Variants in NCAM1 observed in about 807,000 individuals in gnomAD.
The protein encoded by NCAM1 is antigen recognized by monoclonal antibody 5.1H11.
In NCAM1, 14 loss-of-function variants were observed where a neutral mutation model predicts 109.8. The observed-to-expected ratio is 0.13, with a 90% CI of 0.08 to 0.20. NCAM1 has a LOEUF of 0.20. Among genes scored for constraint, NCAM1 ranks in the 10% least tolerant of loss-of-function variants. NCAM1 has a pLI of 1.00. For missense variants in NCAM1, 774 were observed against 1,109.9 expected (o/e 0.70, Z 4.30); for synonymous variants, 418 against 442.9 (o/e 0.94, Z 0.70).
chr11:113,190,622 G>A (rs1943648420), intron 1 of NCAM1, among the ~76,000 whole-genome samples: 1 of 152,186 alleles, frequency 6.6e-6, no homozygotes, highest in Non-Finnish European at 1.5e-5. Context: ...TCCAGGGACA[G>A]CTTCTCATTT....
chr11:113,055,976 G>GTGAT (rs1953683180), intron 1 of NCAM1, among the ~76,000 whole-genome samples: 7 of 58,550 alleles, frequency 1.2e-4, no homozygotes, highest in Middle Eastern at 0.012. Context: ...TAAAGAAAAT[G>GTGAT]TGATATATAT....
At chr11:113,238,160 G>T (rs1387299731) in intron 14 of NCAM1, among the ~76,000 whole-genome samples, 1 of 152,006 alleles carries the variant, frequency 6.6e-6, no homozygotes, top group African/African-American at 2.4e-5. Context: ...CTTTGGAAAA[G>T]GATGGTGTCA....
intron 1 of NCAM1, among the ~76,000 whole-genome samples, chr11:112,971,896 A>C (rs1417535467): frequency 2.6e-5 from 4 of 152,198 alleles, no homozygotes; most frequent in Admixed American, 1.3e-4. Context: ...TTGTTAGATT[A>C]AAGAAACCCA....
chr11:113,206,022 C>A lies in NCAM1; in HGVS notation c.491-21C>A, dbSNP rs370985039. On this transcript the variant is annotated intron_variant, in intron 4 of 19. Coordinates refer to ENST00000316851, the MANE Select transcript of NCAM1 (RefSeq NM_181351.5). The stretch of plus-strand genomic sequence containing the variant: ...GCTCTCTGACTGATTCTTGGATGAA[C>A]CTGCCTCTTATCTCTTCTAGTCCGA... 8.1e-6 allele frequency: 13 copies of A among 1,613,758 alleles called. No homozygotes were observed. The African/African-American group carries it at 1.5e-4, about 18-fold the overall frequency.
intron 1 of NCAM1, among the ~76,000 whole-genome samples, chr11:113,082,621 A>G (rs1260654125): frequency 6.6e-6 from 1 of 152,228 alleles, no homozygotes; most frequent in Non-Finnish European, 1.5e-5. Flanking sequence ...CAGTTTTAAT[A>G]AGCAATTCAA....
intron 17 of NCAM1, chr11:113,262,725 C>T (rs1946044071): frequency 9.1e-7 from 1 of 1,096,970 alleles, no homozygotes; most frequent in Admixed American, 2.3e-5. Flanking sequence ...TTCTGTCCCC[C>T]TCCCCTTCCT....
At chr11:112,969,634 A>G (rs1950822540) in intron 1 of NCAM1, among the ~76,000 whole-genome samples, 1 of 152,126 alleles carries the variant, frequency 6.6e-6, no homozygotes, top group Non-Finnish European at 1.5e-5. Context: ...GCTGAAATAA[A>G]ACCACATATG....
intron 14 of NCAM1, among the ~76,000 whole-genome samples, chr11:113,241,267 A>T (rs1163242355): frequency 6.6e-6 from 1 of 152,230 alleles, no homozygotes; most frequent in Non-Finnish European, 1.5e-5. Flanking sequence ...GGATACAGAC[A>T]TTGAAATTAG....
intron 1 of NCAM1, among the ~76,000 whole-genome samples, chr11:112,993,827 G>A (rs782798455): frequency 3.2e-4 from 49 of 152,160 alleles, no homozygotes; most frequent in Middle Eastern, 3.2e-3. Flanking sequence ...GTTTCTACTA[G>A]TCTTTTTTGC....
At chr11:113,232,850 C>T in intron 12 of NCAM1, 36 bp downstream of exon 12, 1 of 1,548,136 alleles carries the variant, frequency 6.5e-7, no homozygotes. Context: ...GCAGCTGCCA[C>T]AACCCCCCAC....
At chr11:113,137,957 CT>C (rs1291721459) in intron 1 of NCAM1, among the ~76,000 whole-genome samples, 3 of 152,094 alleles carry the variant, frequency 2.0e-5, no homozygotes, top group Non-Finnish European at 4.4e-5. Flanking sequence ...CCGTAGCATA[CT>C]TGGGAGCCAA....
chr11:113,132,666 G>C (rs1356918746), intron 1 of NCAM1, among the ~76,000 whole-genome samples: 1 of 151,514 alleles, frequency 6.6e-6, no homozygotes, highest in Non-Finnish European at 1.5e-5. Flanking sequence ...GCGGGGGTGG[G>C]GGAGCTGGAG....
At chr11:113,096,976 A>T (rs1939626025) in intron 1 of NCAM1, among the ~76,000 whole-genome samples, 2 of 152,016 alleles carry the variant, frequency 1.3e-5, no homozygotes, top group Admixed American at 6.6e-5. Context: ...TCCATGCCAG[A>T]CCCTGATTAC....
rs1943923293 is a variant in NCAM1 at position 113,198,440 on chromosome 11, C to T, written c.53-3939C>T. 6.0e-5 allele frequency among the ~76,000 whole-genome samples: 9 copies of T among 151,052 alleles called. No individual in the cohort carries two copies. In the South Asian group the frequency reaches 1.9e-3, roughly 32 times the overall value. ...AGGCTGGAGTGCAGTGGCATGATCTCGGCTCACTGCAACCTCCACCTCCCG... is the reference window on the plus strand; with the variant it reads ...AGGCTGGAGTGCAGTGGCATGATCTTGGCTCACTGCAACCTCCACCTCCCG... On this transcript the variant is annotated intron_variant, in intron 1 of 19. Coordinates refer to ENST00000316851, the MANE Select transcript of NCAM1 (RefSeq NM_181351.5).
At chr11:113,056,393 G>T (rs564140899) in intron 1 of NCAM1, among the ~76,000 whole-genome samples, 91 of 152,226 alleles carry the variant, frequency 6.0e-4, no homozygotes, top group Non-Finnish European at 9.3e-4. Context: ...GAGATGAATT[G>T]TAATGTTCCC....
intron 1 of NCAM1, among the ~76,000 whole-genome samples, chr11:113,090,819 ATTTG>A (rs782450566): frequency 9.2e-4 from 140 of 152,324 alleles, no homozygotes; most frequent in African/African-American, 3.3e-3. Context: ...CATGACTGTC[ATTTG>A]TTTGTTCAGC....
intron 1 of NCAM1, chr11:113,003,783 C>T (rs1951817539): frequency 6.6e-6 from 1 of 152,228 alleles, no homozygotes; most frequent in South Asian, 2.1e-4. Flanking sequence ...GGGCATCAGA[C>T]TCTTTGAGAT....
At chr11:113,246,163 T>C (rs1945497055) in intron 14 of NCAM1, 1 of 569,254 alleles carries the variant, frequency 1.8e-6, no homozygotes, top group African/African-American at 1.9e-5. Context: ...GCTGCTAATT[T>C]AATTTGATTT....
At chr11:113,011,733 G>A (rs1319526714) in intron 1 of NCAM1, among the ~76,000 whole-genome samples, 3 of 152,136 alleles carry the variant, frequency 2.0e-5, no homozygotes, top group African/African-American at 7.2e-5. Flanking sequence ...GTGTTTGGAG[G>A]GGATCGTTAA....
Sources: gnomAD v4.1 joint callset for allele counts (sites outside exome capture counted in the v4.1 genomes callset) on GRCh38, gnomAD v4.1.1 for gene constraint, MANE v1.5 for transcripts, NCBI Gene and HGNC (gene_info 2026-07-23, HGNC 2026-07-21) for gene names.